C12orf54: variants seen among roughly 807,000 people sequenced by gnomAD.
The protein encoded by C12orf54 is chromosome 12 open reading frame 54.
C12orf54 carries 24 observed loss-of-function variants against 26.4 expected under a neutral mutation model. The ratio of observed to expected loss-of-function variants is 0.91; its 90% CI spans 0.66 to 1.28. The LOEUF (loss-of-function observed/expected upper bound fraction) is 1.28, where lower values mean the gene tolerates loss of function less well. C12orf54 is among the 50% of genes most tolerant of loss of function. C12orf54 has a pLI of 0.00. For synonymous variants in C12orf54, 54 were observed against 47.0 expected, an observed-to-expected ratio of 1.15 and a Z score of -0.61; for missense variants, 154 against 150.9, an observed-to-expected ratio of 1.02 and a Z score of -0.11.
the C12orf54 span, among the ~76,000 whole-genome samples, chr12:48,418,475 T>G: frequency 6.6e-6 from 1 of 152,142 alleles, no homozygotes; most frequent in African/African-American, 2.4e-5. Flanking sequence ...GTCAGACATG[T>G]GAGGGGATAA....
chr12:48,450,466 A>G, the C12orf54 span, among the ~76,000 whole-genome samples: 6 of 152,298 alleles, frequency 3.9e-5, no homozygotes, highest in South Asian at 8.3e-4. Context: ...CTAGCAGAAC[A>G]CAAGAAATAG....
the C12orf54 span, among the ~76,000 whole-genome samples, chr12:48,454,362 G>A: frequency 6.6e-6 from 1 of 152,112 alleles, no homozygotes. Flanking sequence ...GCCTCCCAAA[G>A]TGCTGGGATT....
At chr12:48,470,376 T>C in the C12orf54 span, among the ~76,000 whole-genome samples, 158 of 152,336 alleles carry the variant, frequency 1.0e-3, no homozygotes, top group South Asian at 0.012. Context: ...TACTTTTTGG[T>C]AATAGCCATT....
At chr12:48,474,781 A>G in the C12orf54 span, among the ~76,000 whole-genome samples, 1 of 152,270 alleles carries the variant, frequency 6.6e-6, no homozygotes, top group African/African-American at 2.4e-5. Flanking sequence ...ACCACAGCTC[A>G]AGGAGGCCTG....
the C12orf54 span, among the ~76,000 whole-genome samples, chr12:48,464,330 CA>C: frequency 6.6e-6 from 1 of 151,956 alleles, no homozygotes; most frequent in Non-Finnish European, 1.5e-5. Context: ...ACAATTGCCA[CA>C]AAAAGAATGA....
At chr12:48,471,461 T>A in the C12orf54 span, among the ~76,000 whole-genome samples, 2 of 152,034 alleles carry the variant, frequency 1.3e-5, no homozygotes, top group Non-Finnish European at 2.9e-5. Flanking sequence ...TTTTCTAGGA[T>A]TTTTATAGGT....
the C12orf54 span, among the ~76,000 whole-genome samples, chr12:48,469,446 G>A: frequency 6.6e-6 from 1 of 152,152 alleles, no homozygotes; most frequent in Non-Finnish European, 1.5e-5. Context: ...AGACTTTATG[G>A]TTATCTCCCT....
chr12:48,425,314 A>G, the C12orf54 span, among the ~76,000 whole-genome samples: 1 of 152,036 alleles, frequency 6.6e-6, no homozygotes, highest in Non-Finnish European at 1.5e-5. Context: ...ACTCCCATTT[A>G]TAAGTGAAAA....
the C12orf54 span, among the ~76,000 whole-genome samples, chr12:48,467,000 C>T: frequency 6.6e-6 from 1 of 152,096 alleles, no homozygotes; most frequent in Non-Finnish European, 1.5e-5. Flanking sequence ...AACGGTACCC[C>T]TCCCCAACAG....
upstream of C12orf54, among the ~76,000 whole-genome samples, chr12:48,480,124 T>C (rs4237857): frequency 0.15 from 22,461 of 152,108 alleles, 2,880 homozygotes; most frequent in East Asian, 0.66. Flanking sequence ...AACACAAATA[T>C]CCAAACAATC....
At chr12:48,422,021 C>T in the C12orf54 span, among the ~76,000 whole-genome samples, 8 of 151,954 alleles carry the variant, frequency 5.3e-5, no homozygotes, top group South Asian at 2.1e-4. Context: ...TTTTGTAATG[C>T]GGATGGTGTA....
At position 48,494,975 on chromosome 12, in the gene C12orf54, G is replaced by A. The variant is rs369807440; in HGVS notation, c.*36G>A. On this transcript the variant is annotated 3_prime_UTR_variant, in exon 8 of 9. Transcript: ENST00000548364. ...AAGGAAGAAGGACATCTCTGCTTCC[G>A]CCAGGTGCTTTACCCAAGCAGCCTT... 2.7e-5 allele frequency: 43 copies of A among 1,601,272 alleles called. No individual in the cohort carries two copies. The highest frequency in any genetic ancestry group is 1.3e-4 in the African/African-American group (10 of 74,750).
chr12:48,423,897 A>T, the C12orf54 span, among the ~76,000 whole-genome samples: 1 of 152,234 alleles, frequency 6.6e-6, no homozygotes, highest in Non-Finnish European at 1.5e-5. Context: ...GAAAGCAGGC[A>T]TCCTTGCCTT....
the C12orf54 span, among the ~76,000 whole-genome samples, chr12:48,418,453 A>G: frequency 1.3e-5 from 2 of 152,278 alleles, no homozygotes; most frequent in South Asian, 2.1e-4. Context: ...GTGAAGAGTA[A>G]GTTGCCTTTA....
chr12:48,477,542 C>T (rs933737872), upstream of C12orf54, among the ~76,000 whole-genome samples: 1 of 151,992 alleles, frequency 6.6e-6, no homozygotes, highest in African/African-American at 2.4e-5. Context: ...CAAATAGATG[C>T]AATAAAAAAT....
At chr12:48,457,143 C>T in the C12orf54 span, among the ~76,000 whole-genome samples, 1 of 151,930 alleles carries the variant, frequency 6.6e-6, no homozygotes, top group Admixed American at 6.6e-5. Context: ...AATCCATAGA[C>T]TATGAAATTA....
the C12orf54 span, chr12:48,473,419 A>G: frequency 1.4e-6 from 1 of 706,508 alleles, no homozygotes; most frequent in Non-Finnish European, 2.4e-6. Context: ...GCCTAAGTGG[A>G]ATAATCTATT....
At chr12:48,482,770 A>G (rs1425853765) in intron 1 of C12orf54, among the ~76,000 whole-genome samples, 194 bp downstream of exon 1, 1 of 150,060 alleles carries the variant, frequency 6.7e-6, no homozygotes, top group Non-Finnish European at 1.5e-5. Context: ...AAACTCCTCT[A>G]TCCTTAGTTA....
chr12:48,493,265 A>G (rs1020549679), intron 7 of C12orf54, among the ~76,000 whole-genome samples: 1 of 152,210 alleles, frequency 6.6e-6, no homozygotes, highest in Non-Finnish European at 1.5e-5. Context: ...AAAGTTTCTT[A>G]ATTCAATTGA....
Sources: gnomAD v4.1 joint callset for allele counts (sites outside exome capture counted in the v4.1 genomes callset) on GRCh38, gnomAD v4.1.1 for gene constraint, MANE v1.5 for transcripts, NCBI Gene and HGNC (gene_info 2026-07-23, HGNC 2026-07-21) for gene names.